PAPPA: variants seen among roughly 807,000 people sequenced by gnomAD.
PAPPA encodes pappalysin 1.
In PAPPA, 60 loss-of-function variants were observed where a neutral mutation model predicts 164.0. That is an observed-to-expected ratio of 0.37 (90% CI 0.30 to 0.45). The LOEUF is 0.45. Among genes scored for constraint, PAPPA ranks in the 20% least tolerant of loss-of-function variants. The probability of loss-of-function intolerance (pLI) is 1.00; values close to 1 mark genes in which losing one functional copy is unlikely to be tolerated. For missense variants in PAPPA, 1,782 were observed against 2,087.3 expected (o/e 0.85, Z 2.85); for synonymous variants, 875 against 814.1 (o/e 1.07, Z -1.27).
At position 116,352,792 on chromosome 9, in the gene PAPPA, CCT is replaced by C. The variant is rs777014342; in HGVS notation, c.4052_4053del (p.Pro1351ArgfsTer15). ...LCELMCLAPP[P>X]VPNADLQTAR... is the part of the protein sequence containing the mutation. ...TGAGCTCATGTGCCTCGCTCCACCCCCTGTGCCCAATGCAGACCTCCAGACCG... is the reference window on the plus strand; with the variant it reads ...TGAGCTCATGTGCCTCGCTCCACCCCGTGCCCAATGCAGACCTCCAGACCG... On this transcript the variant is annotated frameshift_variant, in exon 16 of 22. Transcript: ENST00000328252. LOFTEE classifies it high-confidence loss of function. 4 of 1,614,022 alleles carry C rather than the reference CCT, an allele frequency of 2.5e-6. No homozygotes were observed. The highest frequency in any genetic ancestry group is 3.4e-6 in the Non-Finnish European group (4 of 1,179,984).
rs772007831 is a variant in PAPPA, at chr9:116,271,212, G to A, written c.2862-113G>A. On this transcript the variant is annotated intron_variant, in intron 8 of 21. Coordinates refer to ENST00000328252, the MANE Select transcript of PAPPA (RefSeq NM_002581.5). The surrounding 1 kb of genome is among the most constrained non-coding windows in gnomAD (Gnocchi z 4.2). ...AGAAGCAGAGACTCAGACAGAGAAA[G>A]GGATTTGTGCAAGGTCTCACTGAAG... 42 of 692,012 alleles carry A rather than the reference G, an allele frequency of 6.1e-5. No homozygotes were observed. The highest frequency in any genetic ancestry group is 9.9e-5 in the Non-Finnish European group (38 of 383,588). The allele number at this position is 692,012 out of a possible 1,614,324, so 42.9% of individuals were successfully genotyped here.
intron 13 of PAPPA, among the ~76,000 whole-genome samples, chr9:116,337,830 C>T (rs1846081287): frequency 6.6e-6 from 1 of 152,076 alleles, no homozygotes; most frequent in Admixed American, 6.5e-5. Context: ...GCAATGTGTT[C>T]CACTCTAGCT....
At chr9:116,170,612 C>T (rs900723581) in intron 1 of PAPPA, among the ~76,000 whole-genome samples, 1 of 144,678 alleles carries the variant, frequency 6.9e-6, no homozygotes, top group African/African-American at 2.5e-5. Flanking sequence ...TTCCTCCCTA[C>T]CCCCTTATCT....
intron 1 of PAPPA, among the ~76,000 whole-genome samples, chr9:116,175,986 C>T (rs1298508872): frequency 6.6e-6 from 1 of 152,176 alleles, no homozygotes. Context: ...TGTCCTGTGG[C>T]TGGTACAGAA....
chr9:116,389,631 C>A (rs1206513516), intron 21 of PAPPA, among the ~76,000 whole-genome samples: 1 of 152,078 alleles, frequency 6.6e-6, no homozygotes, highest in Non-Finnish European at 1.5e-5. Flanking sequence ...ACTTTACAGC[C>A]TTTGTCACTG....
chr9:116,321,968 G>A (rs1845862039), intron 10 of PAPPA, among the ~76,000 whole-genome samples: 1 of 152,186 alleles, frequency 6.6e-6, no homozygotes, highest in South Asian at 2.1e-4. Context: ...TGCGTCAGAC[G>A]AGCATGAGTT....
intron 1 of PAPPA, among the ~76,000 whole-genome samples, chr9:116,170,947 A>G (rs1334511617): frequency 6.6e-6 from 1 of 152,082 alleles, no homozygotes; most frequent in Non-Finnish European, 1.5e-5. Flanking sequence ...GAGTGTGAAA[A>G]CCACTCATTG....
chr9:116,322,279 A>G (rs1845866130), intron 10 of PAPPA, among the ~76,000 whole-genome samples: 1 of 152,016 alleles, frequency 6.6e-6, no homozygotes, highest in African/African-American at 2.4e-5. Flanking sequence ...GTGTGGTGGC[A>G]GGAGCCTGTA....
intron 9 of PAPPA, among the ~76,000 whole-genome samples, chr9:116,299,530 A>G (rs1845553063): frequency 6.6e-6 from 1 of 152,188 alleles, no homozygotes; most frequent in African/African-American, 2.4e-5. Context: ...GTCACTTTAG[A>G]GACTAGATCT....
intron 15 of PAPPA, among the ~76,000 whole-genome samples, chr9:116,351,156 C>T (rs1425198649): frequency 6.6e-6 from 1 of 152,184 alleles, no homozygotes; most frequent in East Asian, 1.9e-4. Flanking sequence ...CTCCCTGTCC[C>T]ACTAGATTAT....
At chr9:116,215,038 C>G (rs1478692101) in intron 4 of PAPPA, among the ~76,000 whole-genome samples, 1 of 152,064 alleles carries the variant, frequency 6.6e-6, no homozygotes, top group Non-Finnish European at 1.5e-5. Flanking sequence ...GCTTACAAGC[C>G]TAAAGATAAT....
intron 5 of PAPPA, among the ~76,000 whole-genome samples, chr9:116,224,299 C>T (rs1324883481): frequency 2.0e-5 from 3 of 152,178 alleles, no homozygotes; most frequent in Non-Finnish European, 4.4e-5. Context: ...TGGGTTGTTT[C>T]AGTTATCTGA....
intron 2 of PAPPA, among the ~76,000 whole-genome samples, chr9:116,197,519 G>A (rs2118652918): frequency 6.6e-6 from 1 of 152,258 alleles, no homozygotes; most frequent in Admixed American, 6.5e-5. Context: ...TTTCCCTTAG[G>A]CTCCAAATGT....
chr9:116,346,666 G>T (rs1415461420), intron 14 of PAPPA, among the ~76,000 whole-genome samples: 1 of 152,152 alleles, frequency 6.6e-6, no homozygotes, highest in Non-Finnish European at 1.5e-5. Flanking sequence ...ATCATGCCCT[G>T]TGAGGTCTCA....
intron 10 of PAPPA, among the ~76,000 whole-genome samples, chr9:116,329,796 G>T (rs1845966804): frequency 6.6e-6 from 1 of 152,114 alleles, no homozygotes; most frequent in Non-Finnish European, 1.5e-5. Flanking sequence ...ACCATACTGA[G>T]CCAAGTGTTA....
intron 2 of PAPPA, among the ~76,000 whole-genome samples, chr9:116,188,597 C>G (rs1032443625): frequency 6.6e-6 from 1 of 152,260 alleles, no homozygotes; most frequent in Admixed American, 6.5e-5. Flanking sequence ...AAATTTAAAT[C>G]AGTCAAAGTT....
At chr9:116,376,021 ATT>A (rs34549794) in intron 19 of PAPPA, among the ~76,000 whole-genome samples, 4 of 135,680 alleles carry the variant, frequency 2.9e-5, no homozygotes, top group Admixed American at 7.5e-5. Context: ...AACTTCCAGG[ATT>A]TTTTTTTTTT....
In PAPPA at chr9:116,379,658, T is replaced by C. The variant is rs10983123; in HGVS notation, c.4677+2011T>C. ...CAAATACGAGACATTTTGCTAGCAA[T>C]CTAGGATACAGAAATGGATGATGCG... On this transcript the variant is annotated intron_variant, in intron 20 of 21. Coordinates refer to ENST00000328252, the MANE Select transcript of PAPPA (RefSeq NM_002581.5). Among the ~76,000 whole-genome samples, 1,836 of 152,228 alleles carry C rather than the reference T, an allele frequency of 0.012. 156 individuals carry two copies. In the South Asian group the frequency reaches 0.17, roughly 14 times the overall value.
chr9:116,221,716 C>A lies in PAPPA; in HGVS notation c.2111+1587C>A, dbSNP rs184102149. 5.9e-5 allele frequency among the ~76,000 whole-genome samples: 9 copies of A among 151,368 alleles called. No individual in the cohort carries two copies. The South Asian group carries it at 1.7e-3, about 28-fold the overall frequency. ...GGAGAAAAGGCATTACACTGCCCCC[C>A]GCAAGGCAAAAAAAAAGCCACAAAA... On this transcript the variant is annotated intron_variant, in intron 5 of 21. Coordinates refer to ENST00000328252, the MANE Select transcript of PAPPA (RefSeq NM_002581.5).
Sources: gnomAD v4.1 joint callset for allele counts (sites outside exome capture counted in the v4.1 genomes callset) on GRCh38, gnomAD v4.1.1 for gene constraint, Gnocchi (gnomAD v3.1) non-coding constraint, MANE v1.5 for transcripts, NCBI Gene and HGNC (gene_info 2026-07-23, HGNC 2026-07-21) for gene names.